Variants in MTA3 observed in about 807,000 individuals in gnomAD.
MTA3 encodes metastasis associated 1 family member 3.
Under a neutral mutation model 83.5 loss-of-function variants are expected in MTA3, and 34 were observed. That is an observed-to-expected ratio of 0.41 (90% CI 0.31 to 0.54). MTA3 has a LOEUF of 0.54. Ranked by LOEUF, MTA3 falls within the 20% of genes least tolerant of loss-of-function variation. The pLI, the probability that MTA3 is intolerant of heterozygous loss-of-function variation, is 0.33. For synonymous variants in MTA3, 303 were observed against 252.7 expected (o/e 1.20, Z -1.89); for missense variants, 761 against 726.4 (o/e 1.05, Z -0.55).
At chr2:42,728,833 A>G (rs1393115297) in intron 16 of MTA3, among the ~76,000 whole-genome samples, 7 of 152,004 alleles carry the variant, frequency 4.6e-5, no homozygotes, top group Admixed American at 4.6e-4. Flanking sequence ...GAGTTGTTTG[A>G]GCTCCGTATA....
At chr2:42,602,124 A>G (rs374596121) in intron 3 of MTA3, among the ~76,000 whole-genome samples, 2 of 152,254 alleles carry the variant, frequency 1.3e-5, no homozygotes, top group African/African-American at 4.8e-5. Context: ...TACAGGCGTG[A>G]ACCACTGCCC....
At chr2:42,551,177 CT>C (rs1218784810) in intron 2 of MTA3, among the ~76,000 whole-genome samples, 156 of 150,128 alleles carry the variant, frequency 1.0e-3, no homozygotes, top group African/African-American at 3.0e-3. Context: ...GTGAATATTT[CT>C]TTTTTTTTTT....
At chr2:42,527,961 A>G (rs7603025) in intron 2 of MTA3, among the ~76,000 whole-genome samples, 55,056 of 151,870 alleles carry the variant, frequency 0.36, 10,121 homozygotes, top group African/African-American at 0.41. Flanking sequence ...TCACTCTGTC[A>G]CCCAGACTGG....
intron 3 of MTA3, among the ~76,000 whole-genome samples, chr2:42,592,143 A>G (rs1407575676): frequency 6.6e-6 from 1 of 152,092 alleles, no homozygotes; most frequent in African/African-American, 2.4e-5. Context: ...AAACACCTGT[A>G]GTCCCAGCTA....
intron 8 of MTA3, among the ~76,000 whole-genome samples, chr2:42,666,425 C>T (rs538161568): frequency 6.6e-6 from 1 of 152,278 alleles, no homozygotes. Context: ...TTTTGCCTGG[C>T]CTCTGTCTAT....
At chr2:42,737,226 A>G (rs1427852980) in intron 16 of MTA3, among the ~76,000 whole-genome samples, 1 of 152,190 alleles carries the variant, frequency 6.6e-6, no homozygotes, top group African/African-American at 2.4e-5. Context: ...CTTGTGGCCT[A>G]GACTGCCTTT....
At chr2:42,723,212 C>G in intron 16 of MTA3, 177 bp downstream of exon 16, 1 of 726,032 alleles carries the variant, frequency 1.4e-6, no homozygotes, top group Non-Finnish European at 2.2e-6. Context: ...AGGGATAGTT[C>G]TCCATCCCAT....
intron 2 of MTA3, among the ~76,000 whole-genome samples, chr2:42,554,143 G>C (rs1158483464): frequency 6.6e-6 from 1 of 150,486 alleles, no homozygotes; most frequent in Non-Finnish European, 1.5e-5. Context: ...CTGAGGTACG[G>C]GAATCGCTTG....
chr2:42,516,403 T>C (rs13012795), intron 2 of MTA3, among the ~76,000 whole-genome samples: 58,455 of 152,020 alleles, frequency 0.38, 11,562 homozygotes, highest in African/African-American at 0.47. Context: ...GATACATCTT[T>C]ATGAAACTCA....
Position 42,678,086 on chromosome 2 carries a change from G to A in MTA3, c.703-4315G>A, listed in dbSNP as rs187907774. 2.0e-4 allele frequency among the ~76,000 whole-genome samples: 31 copies of A among 152,038 alleles called. No homozygotes were observed. The East Asian group carries it at 5.2e-3, about 26-fold the overall frequency. The stretch of plus-strand genomic sequence containing the variant: ...CTAGTTAGCTTAGCTGCAGAATTTA[G>A]CTGATTCTGAAATTTGCAGAGCAAA... On this transcript the variant is annotated intron_variant, in intron 8 of 16. Transcript: ENST00000405094.
chr2:42,752,928 CCTT>C (rs1669992135), intron 16 of MTA3, among the ~76,000 whole-genome samples: 1 of 139,908 alleles, frequency 7.1e-6, no homozygotes, highest in Non-Finnish European at 1.5e-5. Flanking sequence ...CATTGTGAGC[CCTT>C]TTTTTTTTTT....
At chr2:42,595,270 C>T (rs141807052) in intron 3 of MTA3, among the ~76,000 whole-genome samples, 12,531 of 147,826 alleles carry the variant, frequency 0.085, 673 homozygotes, top group South Asian at 0.14. Flanking sequence ...CCACCATGCC[C>T]GGCTAATTTT....
intron 2 of MTA3, among the ~76,000 whole-genome samples, chr2:42,576,081 T>C (rs1036909751): frequency 3.3e-5 from 5 of 152,166 alleles, no homozygotes; most frequent in African/African-American, 1.2e-4. Flanking sequence ...TAAGCAAATA[T>C]TATTGAGTAC....
At chr2:42,619,335 C>A (rs1282623090) in intron 4 of MTA3, among the ~76,000 whole-genome samples, 1 of 152,116 alleles carries the variant, frequency 6.6e-6, no homozygotes, top group Non-Finnish European at 1.5e-5. Flanking sequence ...AAGATATTCT[C>A]AAGTATATTC....
chr2:42,644,446 G>T (rs1221867158), intron 6 of MTA3, among the ~76,000 whole-genome samples: 1 of 152,172 alleles, frequency 6.6e-6, no homozygotes, highest in Non-Finnish European at 1.5e-5. Context: ...GGCTGGTCTT[G>T]ATCTCCTGGC....
chr2:42,658,935 A>C (rs1190248831), intron 7 of MTA3, among the ~76,000 whole-genome samples: 1 of 141,252 alleles, frequency 7.1e-6, no homozygotes, highest in Non-Finnish European at 1.6e-5. Flanking sequence ...ATTAGCCAAA[A>C]AAAAAAAAAA....
rs140654781 is a variant in MTA3, at chr2:42,546,401, C to A, written c.-140-24036C>A. ...TGTCTGCTCTACTTGGTTTTCTGACCCTGAGTGTCCCTGGACCTGTTTCTT... is the reference window on the plus strand; with the variant it reads ...TGTCTGCTCTACTTGGTTTTCTGACACTGAGTGTCCCTGGACCTGTTTCTT... On this transcript the variant is annotated intron_variant, in intron 2 of 17. Transcript: ENST00000405592. 2.6e-5 allele frequency among the ~76,000 whole-genome samples: 4 copies of A among 152,164 alleles called. No homozygotes were observed. In the East Asian group the frequency reaches 7.7e-4, roughly 29 times the overall value.
At chr2:42,702,669 G>A (rs777975763) in intron 11 of MTA3, 2 of 152,138 alleles carry the variant, frequency 1.3e-5, no homozygotes, top group Admixed American at 6.5e-5. Flanking sequence ...AAAAAGTATC[G>A]AGAATGAAAG....
chr2:42,686,468 C>G (rs1692375763), intron 9 of MTA3, among the ~76,000 whole-genome samples: 2 of 151,872 alleles, frequency 1.3e-5, no homozygotes, highest in African/African-American at 4.8e-5. Context: ...AGGAGGATCA[C>G]TTGAGCCCAG....
Sources: allele counts gnomAD v4.1 joint callset (sites outside exome capture counted in the v4.1 genomes callset), GRCh38; gene constraint gnomAD v4.1.1; transcripts MANE v1.5; gene names NCBI Gene and HGNC (gene_info 2026-07-23, HGNC 2026-07-21).